CNMD: variants seen among roughly 807,000 people sequenced by gnomAD.
CNMD encodes leukocyte cell-derived chemotaxin 1.
Under a neutral mutation model 37.5 loss-of-function variants are expected in CNMD, and 30 were observed. The ratio of observed to expected loss-of-function variants is 0.80; its 90% CI spans 0.60 to 1.09. The LOEUF (loss-of-function observed/expected upper bound fraction) is 1.09. Among genes scored for constraint, CNMD ranks in the 50% least tolerant of loss-of-function variants. The pLI, the probability that CNMD is intolerant of heterozygous loss-of-function variation, is 0.00. For missense variants in CNMD, 398 were observed against 423.9 expected, an observed-to-expected ratio of 0.94 and a Z score of 0.54; for synonymous variants, 167 against 148.2, an observed-to-expected ratio of 1.13 and a Z score of -0.92.
intron 3 of CNMD, among the ~76,000 whole-genome samples, chr13:52,730,218 A>G (rs1309484338): frequency 6.6e-6 from 1 of 151,834 alleles, no homozygotes; most frequent in Non-Finnish European, 1.5e-5. Context: ...AATCCAGTCT[A>G]TCATTGTTGG....
intron 3 of CNMD, among the ~76,000 whole-genome samples, chr13:52,726,106 C>G (rs556782677): frequency 6.6e-6 from 1 of 152,292 alleles, no homozygotes; most frequent in Admixed American, 6.5e-5. Flanking sequence ...AGAGGAGCTC[C>G]GAGGCTCACT....
intron 6 of CNMD, among the ~76,000 whole-genome samples, chr13:52,708,318 AT>A (rs949104997): frequency 2.0e-5 from 3 of 151,830 alleles, no homozygotes; most frequent in African/African-American, 7.3e-5. Flanking sequence ...AGTAGCTGGG[AT>A]TACAGGCGTG....
intron 3 of CNMD, among the ~76,000 whole-genome samples, chr13:52,732,373 T>G (rs1964686192): frequency 6.6e-6 from 1 of 152,234 alleles, no homozygotes; most frequent in African/African-American, 2.4e-5. Context: ...AAATTCGGCC[T>G]GAAGTGACAC....
At chr13:52,717,581 T>C (rs1964411676) in intron 4 of CNMD, among the ~76,000 whole-genome samples, 1 of 152,238 alleles carries the variant, frequency 6.6e-6, no homozygotes, top group African/African-American at 2.4e-5. Flanking sequence ...GAAGGCCTTT[T>C]CTGCCTCTAT....
At chr13:52,713,846 A>G (rs1259605513) in intron 4 of CNMD, among the ~76,000 whole-genome samples, 3 of 152,132 alleles carry the variant, frequency 2.0e-5, no homozygotes, top group African/African-American at 7.2e-5. Flanking sequence ...GATTGGGATA[A>G]TGCATATAGA....
Position 52,708,786 on chromosome 13 carries a change from A to G in CNMD, c.623-84T>C, listed in dbSNP as rs970981402. The G allele has an allele frequency of 2.0e-5, 23 of 1,167,938 alleles. No homozygotes were observed. In the Admixed American group the frequency reaches 5.6e-4, roughly 28 times the overall value. 72.3% of individuals were successfully genotyped at this position (1,167,938 alleles called of 1,614,324 possible). A position where few individuals can be genotyped will look rare whatever the true frequency, so the allele number is the denominator to read the frequency against. ...TGTTTATCAGGGTGAAAAACATAAGAAAAGGATATCAAAATTTGTGCATAA... is the reference window on the plus strand; with the variant it reads ...TGTTTATCAGGGTGAAAAACATAAGGAAAGGATATCAAAATTTGTGCATAA... On this transcript the variant is annotated intron_variant, in intron 5 of 6. Coordinates refer to ENST00000377962, the MANE Select transcript of CNMD (RefSeq NM_007015.3).
At chr13:52,738,849 T>A (rs1964822418) in intron 2 of CNMD, among the ~76,000 whole-genome samples, 182 bp downstream of exon 2, 1 of 152,182 alleles carries the variant, frequency 6.6e-6, no homozygotes, top group South Asian at 2.1e-4. Context: ...CTTCACTTGC[T>A]TTTCTACAAC....
intron 2 of CNMD, among the ~76,000 whole-genome samples, chr13:52,738,120 A>T (rs1964804682): frequency 6.6e-6 from 1 of 152,226 alleles, no homozygotes; most frequent in Non-Finnish European, 1.5e-5. Context: ...AGCAATCACC[A>T]ATCCTCTGAG....
intron 3 of CNMD, among the ~76,000 whole-genome samples, chr13:52,730,335 C>T (rs1203960258): frequency 1.3e-5 from 2 of 152,076 alleles, no homozygotes; most frequent in Non-Finnish European, 2.9e-5. Flanking sequence ...TGGGTATATA[C>T]CCAGTAATGG....
intron 4 of CNMD, among the ~76,000 whole-genome samples, chr13:52,719,425 T>A (rs1191261714): frequency 6.6e-6 from 1 of 152,256 alleles, no homozygotes; most frequent in African/African-American, 2.4e-5. Context: ...ATAGTGTTGA[T>A]GGTCTTTACA....
At chr13:52,707,414 C>T (rs1964201977) in intron 6 of CNMD, among the ~76,000 whole-genome samples, 1 of 147,802 alleles carries the variant, frequency 6.8e-6, no homozygotes, top group Non-Finnish European at 1.5e-5. Flanking sequence ...CAGATGACAC[C>T]TCGTGTCATC....
At chr13:52,732,299 T>A (rs550974457) in intron 3 of CNMD, among the ~76,000 whole-genome samples, 1 of 152,320 alleles carries the variant, frequency 6.6e-6, no homozygotes, top group East Asian at 1.9e-4. Context: ...AGTACACAAA[T>A]AGTGATGCCT....
chr13:52,707,234 A>G (rs777717944), intron 6 of CNMD, among the ~76,000 whole-genome samples: 1 of 152,208 alleles, frequency 6.6e-6, no homozygotes, highest in Admixed American at 6.5e-5. Context: ...ATAAATACCT[A>G]TTCTACTTTT....
chr13:52,738,051 T>C (rs1461630509), intron 2 of CNMD, among the ~76,000 whole-genome samples: 1 of 152,256 alleles, frequency 6.6e-6, no homozygotes, highest in East Asian at 1.9e-4. Flanking sequence ...AGCACCATTT[T>C]CTGTAAGTAC....
At chr13:52,713,264 T>C (rs1450840139) in intron 4 of CNMD, among the ~76,000 whole-genome samples, 1 of 152,228 alleles carries the variant, frequency 6.6e-6, no homozygotes, top group Non-Finnish European at 1.5e-5. Flanking sequence ...GAAAATCTTG[T>C]GGGGTTTTGT....
chr13:52,725,315 A>C (rs1964553649), intron 3 of CNMD, among the ~76,000 whole-genome samples: 1 of 152,226 alleles, frequency 6.6e-6, no homozygotes, highest in African/African-American at 2.4e-5. Flanking sequence ...GGTCAAATTA[A>C]TTAATTCTGT....
intron 3 of CNMD, among the ~76,000 whole-genome samples, chr13:52,731,566 T>C (rs901757449): frequency 6.6e-6 from 1 of 152,234 alleles, no homozygotes. Flanking sequence ...ATAAAATATC[T>C]ATGGCCCTGT....
chr13:52,706,668 A>G (rs549935626), intron 6 of CNMD, among the ~76,000 whole-genome samples: 1 of 152,280 alleles, frequency 6.6e-6, no homozygotes, highest in East Asian at 1.9e-4. Flanking sequence ...GTAGGAAAAC[A>G]ATCTCCAAAA....
chr13:52,708,251 G>C (rs1249045353), intron 6 of CNMD, among the ~76,000 whole-genome samples: 1 of 151,502 alleles, frequency 6.6e-6, no homozygotes, highest in East Asian at 1.9e-4. Context: ...GCCCAATCTC[G>C]GCTCACTGCA....
Sources: allele counts gnomAD v4.1 joint callset (sites outside exome capture counted in the v4.1 genomes callset), GRCh38; gene constraint gnomAD v4.1.1; transcripts MANE v1.5; gene names NCBI Gene and HGNC (gene_info 2026-07-23, HGNC 2026-07-21).